The following GPC6 variants were observed in gnomAD, a reference collection of about 807,000 sequenced individuals.
GPC6 encodes glypican-6.
In GPC6, 14 loss-of-function variants were observed where a neutral mutation model predicts 55.2. The observed-to-expected ratio is 0.25, with a 90% confidence interval of 0.17 to 0.40. The LOEUF (loss-of-function observed/expected upper bound fraction) is 0.40, where lower values mean the gene tolerates loss of function less well. Among genes scored for constraint, GPC6 ranks in the 10% least tolerant of loss-of-function variants. The pLI is 1.00. For missense variants in GPC6, 641 were observed against 708.5 expected (o/e 0.90, Z 1.08); for synonymous variants, 278 against 259.6 (o/e 1.07, Z -0.68).
intron 2 of GPC6, among the ~76,000 whole-genome samples, chr13:93,610,279 C>A (rs1878409074): frequency 6.6e-6 from 1 of 152,048 alleles, no homozygotes; most frequent in African/African-American, 2.4e-5. Flanking sequence ...AACTGACTCT[C>A]TCAACATCAG....
chr13:94,093,539 T>C (rs1885562884), intron 4 of GPC6, among the ~76,000 whole-genome samples: 1 of 152,134 alleles, frequency 6.6e-6, no homozygotes, highest in Non-Finnish European at 1.5e-5. Flanking sequence ...GGTAGTGTAA[T>C]GCCTCCAGCT....
chr13:93,515,741 C>T (rs555226651), intron 1 of GPC6, among the ~76,000 whole-genome samples: 1 of 152,218 alleles, frequency 6.6e-6, no homozygotes, highest in African/African-American at 2.4e-5. Context: ...TAAATAAATG[C>T]TCTTGCTCTC....
At chr13:93,532,211 C>T (rs963060366) in intron 1 of GPC6, among the ~76,000 whole-genome samples, 3 of 152,128 alleles carry the variant, frequency 2.0e-5, no homozygotes, top group African/African-American at 7.2e-5. Flanking sequence ...TTTTCCTGGA[C>T]TGTTTGCATG....
At chr13:94,373,049 C>A (rs1287692759) in intron 6 of GPC6, among the ~76,000 whole-genome samples, 1 of 152,170 alleles carries the variant, frequency 6.6e-6, no homozygotes, top group East Asian at 1.9e-4. Flanking sequence ...ACATCCACAC[C>A]AAAACCCCAT....
chr13:93,507,512 T>A (rs1880781514), intron 1 of GPC6, among the ~76,000 whole-genome samples: 1 of 152,224 alleles, frequency 6.6e-6, no homozygotes, highest in African/African-American at 2.4e-5. Context: ...ATAGGTCAGC[T>A]CACTACTTTA....
intron 3 of GPC6, among the ~76,000 whole-genome samples, chr13:93,892,061 A>G (rs1471784975): frequency 6.6e-6 from 1 of 152,126 alleles, no homozygotes; most frequent in African/African-American, 2.4e-5. Flanking sequence ...ATACATACAC[A>G]CTATATATAC....
At chr13:94,176,706 A>G (rs1888787305) in intron 4 of GPC6, among the ~76,000 whole-genome samples, 1 of 152,204 alleles carries the variant, frequency 6.6e-6, no homozygotes, top group Non-Finnish European at 1.5e-5. Flanking sequence ...ATTGCAACAT[A>G]AAGGTGATTT....
chr13:93,527,994 T>G (rs1881720575), intron 1 of GPC6, among the ~76,000 whole-genome samples: 1 of 152,162 alleles, frequency 6.6e-6, no homozygotes, highest in Non-Finnish European at 1.5e-5. Context: ...CTTTTACAGA[T>G]GCCTACTGAA....
chr13:93,515,790 C>A (rs959429389), intron 1 of GPC6, among the ~76,000 whole-genome samples: 1 of 151,964 alleles, frequency 6.6e-6, no homozygotes, highest in Non-Finnish European at 1.5e-5. Flanking sequence ...CACAATTAAC[C>A]ATAAATAAAA....
chr13:93,270,503 A>G (rs1016858726), intron 1 of GPC6, among the ~76,000 whole-genome samples: 12 of 152,026 alleles, frequency 7.9e-5, no homozygotes, highest in African/African-American at 2.9e-4. Context: ...ACATTGTTTT[A>G]TTTCTGTATA....
chr13:93,932,373 C>A (rs1878220104), intron 3 of GPC6, among the ~76,000 whole-genome samples: 1 of 152,094 alleles, frequency 6.6e-6, no homozygotes, highest in African/African-American at 2.4e-5. Flanking sequence ...TCCAAATCTC[C>A]AAGAATCGCT....
intron 6 of GPC6, among the ~76,000 whole-genome samples, chr13:94,379,588 T>G (rs1401079789): frequency 6.6e-6 from 1 of 152,208 alleles, no homozygotes; most frequent in East Asian, 1.9e-4. Flanking sequence ...CTAATTTGTG[T>G]TAACCATACA....
chr13:93,323,015 G>A (rs932263987), intron 1 of GPC6, among the ~76,000 whole-genome samples: 6 of 151,876 alleles, frequency 4.0e-5, no homozygotes, highest in East Asian at 1.9e-4. Context: ...ACTCTGCTAC[G>A]TTTGATGGCC....
intron 4 of GPC6, among the ~76,000 whole-genome samples, chr13:94,087,376 G>A (rs1014237482): frequency 2.0e-5 from 3 of 152,298 alleles, no homozygotes; most frequent in African/African-American, 4.8e-5. Context: ...TGAAAGCTAC[G>A]CCTTAAAACA....
chr13:93,432,189 A>G (rs1201344822), intron 1 of GPC6, among the ~76,000 whole-genome samples: 2 of 152,186 alleles, frequency 1.3e-5, no homozygotes, highest in Non-Finnish European at 2.9e-5. Flanking sequence ...GACAAATTAG[A>G]GGCAGTGAGT....
chr13:93,788,289 G>T (rs1294140007), intron 2 of GPC6, among the ~76,000 whole-genome samples: 1 of 151,980 alleles, frequency 6.6e-6, no homozygotes, highest in Non-Finnish European at 1.5e-5. Context: ...AGGCTCAAGG[G>T]CAGGAGAGTC....
At chr13:94,299,614 A>G (rs1234646006) in intron 5 of GPC6, among the ~76,000 whole-genome samples, 5 of 152,240 alleles carry the variant, frequency 3.3e-5, no homozygotes. Context: ...ATATTCGGAC[A>G]CAGCAAGAAG....
At chr13:93,312,709 A>G (rs1003085104) in intron 1 of GPC6, among the ~76,000 whole-genome samples, 1 of 152,212 alleles carries the variant, frequency 6.6e-6, no homozygotes, top group Non-Finnish European at 1.5e-5. Context: ...AATTAAATGA[A>G]GAATAATTGG....
intron 1 of GPC6, among the ~76,000 whole-genome samples, chr13:93,480,181 A>G (rs546048827): frequency 2.6e-4 from 39 of 152,304 alleles, no homozygotes; most frequent in African/African-American, 7.7e-4. Flanking sequence ...ATGAAAACTA[A>G]TCAACATTTT....
Sources: gnomAD v4.1 joint callset for allele counts (sites outside exome capture counted in the v4.1 genomes callset) on GRCh38, gnomAD v4.1.1 for gene constraint, MANE v1.5 for transcripts, NCBI Gene and HGNC (gene_info 2026-07-23, HGNC 2026-07-21) for gene names.